The following GTF2F2 variants were observed in gnomAD, a reference collection of about 807,000 sequenced individuals.
GTF2F2 encodes the protein ATP-dependent helicase GTF2F2.
A neutral mutation model predicts 42.2 loss-of-function variants in GTF2F2; 23 were observed. That is an observed-to-expected ratio of 0.55 (90% CI 0.39 to 0.77). The LOEUF is 0.77. Ranked by LOEUF, GTF2F2 falls within the 30% of genes least tolerant of loss-of-function variation. The pLI is 0.00. For synonymous variants in GTF2F2, 105 were observed against 100.8 expected, an observed-to-expected ratio of 1.04 and a Z score of -0.25; for missense variants, 261 against 287.2, an observed-to-expected ratio of 0.91 and a Z score of 0.66.
chr13:45,151,962 C>T (rs1870522935), intron 4 of GTF2F2, 131 bp downstream of exon 4: 4 of 505,650 alleles, frequency 7.9e-6, no homozygotes, highest in Non-Finnish European at 1.4e-5. Context: ...GTTGCCCAGG[C>T]TGAAGTCCAA....
intron 4 of GTF2F2, among the ~76,000 whole-genome samples, chr13:45,166,460 C>G (rs939338132): frequency 1.1e-4 from 17 of 152,128 alleles, no homozygotes; most frequent in Non-Finnish European, 2.2e-4. Context: ...AAGGAAATGA[C>G]AGAATAGAAA....
At chr13:45,258,153 C>A (rs1026155606) in intron 6 of GTF2F2, among the ~76,000 whole-genome samples, 1 of 151,552 alleles carries the variant, frequency 6.6e-6, no homozygotes, top group African/African-American at 2.4e-5. Context: ...TTATCAGTAT[C>A]ATTTTAAATA....
intron 2 of GTF2F2, among the ~76,000 whole-genome samples, chr13:45,141,974 T>C (rs922208767): frequency 2.0e-4 from 30 of 152,230 alleles, no homozygotes; most frequent in Admixed American, 2.0e-3. Flanking sequence ...TTGTTCTCTC[T>C]TGTATGTAGT....
intron 4 of GTF2F2, among the ~76,000 whole-genome samples, chr13:45,202,293 A>G (rs1186161209): frequency 1.3e-5 from 2 of 152,198 alleles, no homozygotes; most frequent in Non-Finnish European, 2.9e-5. Flanking sequence ...AGGCAGAGGC[A>G]GGAGAATCGC....
chr13:45,228,281 A>ATTTTTTTTTTT (rs1874467229), intron 5 of GTF2F2, among the ~76,000 whole-genome samples: 5 of 85,680 alleles, frequency 5.8e-5, no homozygotes, highest in African/African-American at 3.1e-4. Context: ...GCCAGAGTTA[A>ATTTTTTTTTTT]TCTTTTTTTT....
At chr13:45,204,992 T>G (rs977096178) in intron 4 of GTF2F2, among the ~76,000 whole-genome samples, 1 of 152,218 alleles carries the variant, frequency 6.6e-6, no homozygotes, top group African/African-American at 2.4e-5. Flanking sequence ...ATTTCTACCC[T>G]TGAGCTGTCA....
rs763790620 is a variant in GTF2F2, at chr13:45,136,835, TAAA to T, written c.140+32_140+34del. The T allele has an allele frequency of 4.7e-6, 6 of 1,269,194 alleles. No individual in the cohort carries two copies. In the Admixed American group the frequency reaches 1.1e-4, roughly 24 times the overall value. 78.6% of individuals were successfully genotyped at this position (1,269,194 alleles called of 1,614,324 possible). A position where few individuals can be genotyped will look rare whatever the true frequency, so the allele number is the denominator to read the frequency against. ...AGTTATTTACATATTCTTGACATTTTAAAAAGCTATTTTTGAAATTTTTATAAG... is the reference window on the plus strand; with the variant it reads ...AGTTATTTACATATTCTTGACATTTTAAGCTATTTTTGAAATTTTTATAAG... On this transcript the variant is annotated intron_variant, in intron 2 of 7. Transcript: ENST00000340473.
intron 4 of GTF2F2, among the ~76,000 whole-genome samples, chr13:45,175,152 A>G (rs1871811881): frequency 6.6e-6 from 1 of 152,146 alleles, no homozygotes; most frequent in Admixed American, 6.5e-5. Flanking sequence ...CTTCTGTGAA[A>G]TCAACTGTTT....
chr13:45,260,909 T>G (rs577292130), intron 6 of GTF2F2, among the ~76,000 whole-genome samples: 2 of 152,216 alleles, frequency 1.3e-5, no homozygotes, highest in South Asian at 4.1e-4. Context: ...CATGCCCCTG[T>G]AGTTCCTGGA....
chr13:45,278,827 T>TC (rs1877140753), intron 7 of GTF2F2, among the ~76,000 whole-genome samples: 5 of 136,254 alleles, frequency 3.7e-5, no homozygotes, highest in South Asian at 5.1e-4. Context: ...TTTTTTTTTT[T>TC]TTTTTTTTTT....
chr13:45,251,233 A>G (rs1875863898), intron 5 of GTF2F2, among the ~76,000 whole-genome samples: 1 of 152,176 alleles, frequency 6.6e-6, no homozygotes, highest in African/African-American at 2.4e-5. Flanking sequence ...ATCTTCATCC[A>G]AGGAATTAAA....
chr13:45,168,727 C>T (rs1432838435), intron 4 of GTF2F2, among the ~76,000 whole-genome samples: 1 of 152,106 alleles, frequency 6.6e-6, no homozygotes, highest in Non-Finnish European at 1.5e-5. Flanking sequence ...ATTTCCCCAC[C>T]TCAGCCTCCT....
At chr13:45,162,468 G>A (rs940973314) in intron 4 of GTF2F2, among the ~76,000 whole-genome samples, 1 of 152,186 alleles carries the variant, frequency 6.6e-6, no homozygotes, top group African/African-American at 2.4e-5. Flanking sequence ...TATGAGTTTA[G>A]TGTTTATTTC....
intron 4 of GTF2F2, among the ~76,000 whole-genome samples, chr13:45,172,073 T>C (rs1395721703): frequency 6.6e-6 from 1 of 152,150 alleles, no homozygotes; most frequent in African/African-American, 2.4e-5. Flanking sequence ...TGTGTACAAG[T>C]TTTTGTGGGA....
chr13:45,244,617 G>C (rs1875491486), intron 5 of GTF2F2, among the ~76,000 whole-genome samples: 1 of 152,062 alleles, frequency 6.6e-6, no homozygotes, highest in Non-Finnish European at 1.5e-5. Context: ...TAGTAACAAA[G>C]CTATTTAATT....
At chr13:45,259,853 G>T (rs780759342) in intron 6 of GTF2F2, among the ~76,000 whole-genome samples, 8 of 151,992 alleles carry the variant, frequency 5.3e-5, no homozygotes, top group Admixed American at 1.3e-4. Flanking sequence ...GCCTCCCAAA[G>T]TGTTGGGATT....
intron 5 of GTF2F2, among the ~76,000 whole-genome samples, chr13:45,221,073 C>T (rs947220456): frequency 3.3e-5 from 5 of 152,046 alleles, no homozygotes; most frequent in African/African-American, 1.2e-4. Flanking sequence ...CACCATTCCC[C>T]TTCAGAGCTC....
chr13:45,211,664 C>T (rs1256393859), intron 5 of GTF2F2, among the ~76,000 whole-genome samples: 20 of 150,858 alleles, frequency 1.3e-4, no homozygotes, highest in Admixed American at 5.9e-4. Context: ...CTCAGCTCAC[C>T]GCAACCTCCG....
Position 45,208,905 on chromosome 13 carries a change from T to G in GTF2F2, c.386+1400T>G, listed in dbSNP as rs564910235. The stretch of plus-strand genomic sequence containing the variant: ...ATTGTTTTTAGCTTATAAAACTTAT[T>G]GTATAGTAGTAAATTTTTGAAGTCT... On this transcript the variant is annotated intron_variant, in intron 5 of 7. Coordinates refer to ENST00000340473, the MANE Select transcript of GTF2F2 (RefSeq NM_004128.3). Among the ~76,000 whole-genome samples, 7 of 152,230 alleles carry G rather than the reference T, an allele frequency of 4.6e-5. No homozygotes were observed. In the South Asian group the frequency reaches 1.4e-3, roughly 31 times the overall value.
Sources: gnomAD v4.1 joint callset for allele counts (sites outside exome capture counted in the v4.1 genomes callset) on GRCh38, gnomAD v4.1.1 for gene constraint, MANE v1.5 for transcripts, NCBI Gene and HGNC (gene_info 2026-07-23, HGNC 2026-07-21) for gene names.